The following PCDH11X variants were observed in gnomAD, a reference collection of about 807,000 sequenced individuals.
PCDH11X encodes protocadherin-11 X-linked.
A neutral mutation model predicts 53.3 loss-of-function variants in PCDH11X; 18 were observed. The observed-to-expected ratio is 0.34, with a 90% confidence interval of 0.23 to 0.50. The LOEUF (loss-of-function observed/expected upper bound fraction) is 0.50. Among genes scored for constraint, PCDH11X ranks in the 20% least tolerant of loss-of-function variants. The probability of loss-of-function intolerance (pLI) is 0.98; values close to 1 mark genes in which losing one functional copy is unlikely to be tolerated. For synonymous variants in PCDH11X, 279 were observed against 393.3 expected, an observed-to-expected ratio of 0.71 and a Z score of 3.44; for missense variants, 570 against 1,032.4, an observed-to-expected ratio of 0.55 and a Z score of 6.14.
At chrX:92,219,056 T>A (rs1323723615) in intron 7 of PCDH11X, among the ~76,000 whole-genome samples, 4 of 110,987 alleles carry the variant, frequency 3.6e-5, no homozygotes, top group East Asian at 2.8e-4. Context: ...TCAAAATAAT[T>A]AGAGCTATCT....
chrX:92,495,802 A>G (rs1443719644), intron 10 of PCDH11X, among the ~76,000 whole-genome samples: 1 of 107,088 alleles, frequency 9.3e-6, no homozygotes, highest in Non-Finnish European at 1.9e-5. Context: ...GAAACCCTTG[A>G]TAAAGCCATC....
intron 8 of PCDH11X, among the ~76,000 whole-genome samples, chrX:92,343,491 T>A: frequency 9.1e-6 from 1 of 110,061 alleles, no homozygotes. Context: ...TATTTCAGAA[T>A]TACCCATATT....
chrX:92,284,015 T>G (rs1356819507), intron 8 of PCDH11X, among the ~76,000 whole-genome samples: 1 of 109,289 alleles, frequency 9.2e-6, no homozygotes, highest in African/African-American at 3.3e-5. Flanking sequence ...ATTTCAGATT[T>G]TATACAATTA....
At chrX:91,858,404 C>G (rs2189404) in intron 5 of PCDH11X, among the ~76,000 whole-genome samples, 1 of 111,856 alleles carries the variant, frequency 8.9e-6, no homozygotes, top group Admixed American at 9.5e-5. Flanking sequence ...TCCTTGTTTC[C>G]TATGCAAACT....
Position 92,621,318 on chromosome X carries a change from T to TA in PCDH11X, c.*2379dup, listed in dbSNP as rs1316858836. The TA allele has an allele frequency of 9.1e-6, 1 of 109,414 alleles. No individual in the cohort carries two copies. The highest frequency in any genetic ancestry group is 2.9e-4 in the East Asian group (1 of 3,505). 9.0% of individuals were successfully genotyped at this position (109,414 alleles called of 1,213,427 possible). A position where few individuals can be genotyped will look rare whatever the true frequency, so the allele number is the denominator to read the frequency against. On this transcript the variant is annotated 3_prime_UTR_variant, in exon 11 of 11. Transcript: ENST00000682573. ...CTGACAGTATAATTTATTGAGTTACTAGGGAGGTTCTTAAATCCTCATATC... is the reference window on the plus strand; with the variant it reads ...CTGACAGTATAATTTATTGAGTTACTAAGGGAGGTTCTTAAATCCTCATATC...
intron 9 of PCDH11X, among the ~76,000 whole-genome samples, chrX:92,441,541 G>A (rs1435822806): frequency 8.9e-6 from 1 of 112,233 alleles, no homozygotes; most frequent in Non-Finnish European, 1.9e-5. Flanking sequence ...TGGCTTCAGA[G>A]GGTGCAATCC....
intron 7 of PCDH11X, among the ~76,000 whole-genome samples, chrX:92,222,000 A>G (rs1569428817): frequency 9.0e-6 from 1 of 110,806 alleles, no homozygotes. Flanking sequence ...TACTCAGCTA[A>G]TTTTTGTATT....
intron 8 of PCDH11X, among the ~76,000 whole-genome samples, chrX:92,277,144 C>T (rs983766917): frequency 9.1e-6 from 1 of 109,562 alleles, no homozygotes; most frequent in Non-Finnish European, 1.9e-5. Context: ...TAGAAAGACT[C>T]AGTGACGCTT....
chrX:92,110,886 AT>A (rs1461276064), intron 6 of PCDH11X, among the ~76,000 whole-genome samples: 2 of 109,919 alleles, frequency 1.8e-5, no homozygotes, highest in Admixed American at 2.0e-4. Context: ...AGCACACCAT[AT>A]TCTTGATAGC....
intron 6 of PCDH11X, among the ~76,000 whole-genome samples, chrX:92,063,212 G>A (rs1279729237): frequency 9.2e-6 from 1 of 108,499 alleles, no homozygotes; most frequent in African/African-American, 3.4e-5. Context: ...GCTAGGGGAG[G>A]GATAGCATTA....
chrX:92,287,350 C>G (rs1437749606), intron 8 of PCDH11X, among the ~76,000 whole-genome samples: 1 of 111,016 alleles, frequency 9.0e-6, no homozygotes, highest in East Asian at 2.8e-4. Context: ...CCACCACCCC[C>G]TGACAGGCCC....
At position 92,460,692 on chromosome X, in the gene PCDH11X, T is replaced by C. The variant is rs764326494; in HGVS notation, c.3344-7607T>C. 4.3e-5 allele frequency: 42 copies of C among 970,404 alleles called. No individual in the cohort carries two copies. In the East Asian group the frequency reaches 1.2e-3, roughly 28 times the overall value. The allele number at this position is 970,404 out of a possible 1,213,427, so 80.0% of individuals were successfully genotyped here. A position where few individuals can be genotyped will look rare whatever the true frequency, so the allele number is the denominator to read the frequency against. On this transcript the variant is annotated intron_variant, in intron 9 of 10. Coordinates refer to ENST00000682573, the MANE Select transcript of PCDH11X (RefSeq NM_032968.5). ...CAGCTCATCGGGATCCTGCTGCACC[T>C]GGAGTCAGAGCTGGCACAGACCCGG... is the stretch of plus-strand genomic sequence containing the variant.
At chrX:92,131,130 T>C (rs1304319857) in intron 6 of PCDH11X, among the ~76,000 whole-genome samples, 4 of 111,602 alleles carry the variant, frequency 3.6e-5, no homozygotes, top group Non-Finnish European at 7.5e-5. Flanking sequence ...TGTACATTAC[T>C]GAATTATTGC....
At chrX:92,072,267 C>G (rs1217782490) in intron 6 of PCDH11X, among the ~76,000 whole-genome samples, 2 of 110,824 alleles carry the variant, frequency 1.8e-5, no homozygotes, top group Non-Finnish European at 3.8e-5. Flanking sequence ...CCCCAAAAGA[C>G]TGCTTGTTGC....
chrX:92,009,957 G>A (rs890532468), intron 6 of PCDH11X, among the ~76,000 whole-genome samples: 1 of 110,053 alleles, frequency 9.1e-6, no homozygotes, highest in African/African-American at 3.3e-5. Flanking sequence ...TGCCTGCCTC[G>A]GCCTCCCAAA....
intron 6 of PCDH11X, among the ~76,000 whole-genome samples, chrX:92,183,904 C>T (rs2066043882): frequency 9.0e-6 from 1 of 111,629 alleles, no homozygotes. Context: ...AAATAGCAAC[C>T]CCACTCTCCA....
At chrX:92,115,396 G>GA (rs1274821222) in intron 6 of PCDH11X, among the ~76,000 whole-genome samples, 2 of 110,297 alleles carry the variant, frequency 1.8e-5, no homozygotes, top group Admixed American at 9.8e-5. Context: ...AGAAAATAAT[G>GA]AAAAAATATG....
At chrX:92,380,516 A>C (rs1295272040) in intron 8 of PCDH11X, among the ~76,000 whole-genome samples, 2 of 112,086 alleles carry the variant, frequency 1.8e-5, no homozygotes, top group Non-Finnish European at 3.8e-5. Flanking sequence ...CAAATTAACT[A>C]GGTGATTTCT....
At chrX:92,091,054 A>G (rs868336958) in intron 6 of PCDH11X, among the ~76,000 whole-genome samples, 26 of 112,130 alleles carry the variant, frequency 2.3e-4, no homozygotes, top group Middle Eastern at 4.7e-3. Context: ...TTTGTAATAC[A>G]TAATTCATGA....
Sources: gnomAD v4.1 joint callset for allele counts (sites outside exome capture counted in the v4.1 genomes callset) on GRCh38, gnomAD v4.1.1 for gene constraint, MANE v1.5 for transcripts, NCBI Gene and HGNC (gene_info 2026-07-23, HGNC 2026-07-21) for gene names.